Variants in PTPRQ observed in about 807,000 individuals in gnomAD.
The protein encoded by PTPRQ is protein tyrosine phosphatase receptor type Q.
A neutral mutation model predicts 246.0 loss-of-function variants in PTPRQ; 199 were observed. The observed-to-expected ratio is 0.81, with a 90% CI of 0.72 to 0.91. The LOEUF (loss-of-function observed/expected upper bound fraction) is 0.91. Among genes scored for constraint, PTPRQ ranks in the 40% least tolerant of loss-of-function variants. PTPRQ has a pLI of 0.00. For missense variants in PTPRQ, 2,624 were observed against 2,528.4 expected (o/e 1.04, Z -0.81); for synonymous variants, 869 against 853.2 (o/e 1.02, Z -0.32).
At chr12:80,465,981 A>G (rs1386816627) in intron 6 of PTPRQ, among the ~76,000 whole-genome samples, 1 of 152,184 alleles carries the variant, frequency 6.6e-6, no homozygotes, top group African/African-American at 2.4e-5. Context: ...CTCCTATTCA[A>G]CATAGTGTTG....
At chr12:80,604,012 T>G (rs1370787662) in intron 26 of PTPRQ, among the ~76,000 whole-genome samples, 1 of 151,644 alleles carries the variant, frequency 6.6e-6, no homozygotes, top group African/African-American at 2.4e-5. Flanking sequence ...ATGGGGAAAC[T>G]GAGGTCCAAA....
Position 80,449,435 on chromosome 12 carries a change from T to C in PTPRQ, c.390+3718T>C, listed in dbSNP as rs1213039350. On this transcript the variant is annotated intron_variant, in intron 3 of 44. Coordinates refer to ENST00000644991, the MANE Select transcript of PTPRQ (RefSeq NM_001145026.2). The stretch of plus-strand genomic sequence containing the variant: ...TTGCCATTGCTTTTGGTGTTTTAGA[T>C]GTGAAGTCCTTGCCCATGCCTATGT... 9.2e-5 allele frequency among the ~76,000 whole-genome samples: 14 copies of C among 152,240 alleles called. 1 individual carries two copies. Among genetic ancestry groups the C allele is most frequent in the Admixed American group, 3.9e-4 (6 of 15,274 alleles).
chr12:80,588,396 C>G lies in PTPRQ; in HGVS notation c.4553C>G (p.Thr1518Ser). 7.2e-6 allele frequency: 11 copies of G among 1,527,046 alleles called. No individual in the cohort carries two copies. The highest frequency in any genetic ancestry group is 9.7e-6 in the Non-Finnish European group (11 of 1,133,962). 94.6% of individuals were successfully genotyped at this position (1,527,046 alleles called of 1,614,324 possible). Residue 1518 changes from threonine to serine, a missense_variant, in exon 26 of 45, where the codon ACC becomes AGC. Thr to Ser is a moderately conservative substitution (Grantham distance 58). Transcript: ENST00000644991. ...RWYRFQVAAS[T>S]NAGYGNASNW... ...TATAGATTCCAAGTGGCTGCCAGCA[C>G]CAATGCTGGCTATGGCAATGCTTCA...
chr12:80,449,841 A>T (rs1354758442), intron 3 of PTPRQ, among the ~76,000 whole-genome samples: 1 of 152,100 alleles, frequency 6.6e-6, no homozygotes, highest in Non-Finnish European at 1.5e-5. Flanking sequence ...TTGGCTTAGG[A>T]TTGACTTGGC....
intron 25 of PTPRQ, among the ~76,000 whole-genome samples, chr12:80,573,856 C>G (rs931618006): frequency 6.6e-6 from 1 of 152,116 alleles, no homozygotes; most frequent in African/African-American, 2.4e-5. Flanking sequence ...GATTTCTGAT[C>G]ATTATGATTT....
At chr12:80,475,600 T>C (rs919819907) in intron 8 of PTPRQ, among the ~76,000 whole-genome samples, 1 of 152,022 alleles carries the variant, frequency 6.6e-6, no homozygotes, top group Admixed American at 6.6e-5. Context: ...CAAGTATCTT[T>C]TTAAAGACAA....
chr12:80,539,473 A>C (rs1896084480), intron 19 of PTPRQ, among the ~76,000 whole-genome samples: 1 of 152,136 alleles, frequency 6.6e-6, no homozygotes, highest in African/African-American at 2.4e-5. Flanking sequence ...AGTGATGCTG[A>C]TCAGCACAGT....
intron 26 of PTPRQ, among the ~76,000 whole-genome samples, chr12:80,595,314 C>T (rs185105559): frequency 3.3e-5 from 5 of 152,098 alleles, no homozygotes; most frequent in Non-Finnish European, 7.4e-5. Context: ...CCTTTCTGTC[C>T]CCTGTGCCTA....
In PTPRQ at chr12:80,670,428, C is replaced by G; in HGVS notation, c.6538C>G (p.His2180Asp). The G allele has an allele frequency of 6.4e-7, 1 of 1,551,240 alleles. No homozygotes were observed. Among genetic ancestry groups the G allele is most frequent in the Non-Finnish European group, 8.7e-7 (1 of 1,146,632 alleles). Residue 2180 changes from histidine to aspartate, a missense_variant, in exon 42 of 45, where the codon CAC (histidine) becomes GAC (aspartate). Physicochemically the swap from His to Asp is moderately conservative, Grantham distance 81 (BLOSUM62 -1). Coordinates refer to ENST00000644991, the MANE Select transcript of PTPRQ (RefSeq NM_001145026.2). ...TCCTGAGAACAGCGCCCCTCTAATT[C>G]ACTTTGTGAAGTTGGTTCGAGCAAG... Reference protein sequence around the residue: ...GVPENSAPLIHFVKLVRASRA... With the variant: ...GVPENSAPLIDFVKLVRASRA...
At chr12:80,505,076 C>T (rs913680397) in intron 14 of PTPRQ, among the ~76,000 whole-genome samples, 1 of 151,818 alleles carries the variant, frequency 6.6e-6, no homozygotes. Context: ...TCAGGTCTTT[C>T]TGCAGGGATA....
At chr12:80,590,285 T>G (rs1438646489) in intron 26 of PTPRQ, among the ~76,000 whole-genome samples, 1 of 152,148 alleles carries the variant, frequency 6.6e-6, no homozygotes, top group African/African-American at 2.4e-5. Context: ...TCTTCATTAC[T>G]GCTCCCACAG....
intron 19 of PTPRQ, among the ~76,000 whole-genome samples, chr12:80,538,327 A>G (rs7978367): frequency 0.059 from 9,023 of 152,254 alleles, 675 homozygotes; most frequent in African/African-American, 0.17. Flanking sequence ...GCCTATGCAC[A>G]TTAAGTCACA....
intron 41 of PTPRQ, 137 bp downstream of exon 41, chr12:80,669,601 A>T: frequency 1.6e-6 from 2 of 1,284,428 alleles, no homozygotes; most frequent in Non-Finnish European, 2.0e-6. Context: ...TTGTCTTCTG[A>T]ACAGAATTTT....
chr12:80,470,434 A>G (rs1173313430), intron 7 of PTPRQ, among the ~76,000 whole-genome samples: 3 of 152,186 alleles, frequency 2.0e-5, no homozygotes, highest in Admixed American at 1.3e-4. Flanking sequence ...GAGTGAAGAT[A>G]GGGCAGAAGG....
At chr12:80,603,211 C>A (rs1469338553) in intron 26 of PTPRQ, among the ~76,000 whole-genome samples, 2 of 151,578 alleles carry the variant, frequency 1.3e-5, no homozygotes, top group Non-Finnish European at 3.0e-5. Context: ...TTCTATCTAT[C>A]CCTTCTGTCA....
At chr12:80,625,446 C>A (rs557155571) in intron 33 of PTPRQ, among the ~76,000 whole-genome samples, 5 of 152,278 alleles carry the variant, frequency 3.3e-5, no homozygotes, top group Non-Finnish European at 7.4e-5. Flanking sequence ...GCCGAGTTGC[C>A]TGTCTGTTGA....
At chr12:80,558,815 C>G (rs77572187) in intron 25 of PTPRQ, among the ~76,000 whole-genome samples, 2,184 of 152,252 alleles carry the variant, frequency 0.014, 29 homozygotes, top group South Asian at 0.033. Flanking sequence ...TTGTGTTTCC[C>G]TGATGGCTAA....
intron 25 of PTPRQ, among the ~76,000 whole-genome samples, chr12:80,564,932 T>C (rs1896933655): frequency 6.6e-6 from 1 of 152,212 alleles, no homozygotes; most frequent in Admixed American, 6.5e-5. Context: ...TTAACATGTA[T>C]AGATACATTT....
At chr12:80,620,003 C>T in intron 31 of PTPRQ, 151 bp from the exon 32 acceptor site, 1 of 975,678 alleles carries the variant, frequency 1.0e-6, no homozygotes, top group Non-Finnish European at 1.4e-6. Context: ...AACAGGGTTA[C>T]CTGCCTATAC....
Sources: allele counts gnomAD v4.1 joint callset (sites outside exome capture counted in the v4.1 genomes callset), GRCh38; gene constraint gnomAD v4.1.1; transcripts MANE v1.5; gene names NCBI Gene and HGNC (gene_info 2026-07-23, HGNC 2026-07-21).